The following NETO1 variants were observed in gnomAD, a reference collection of about 807,000 sequenced individuals.
The protein encoded by NETO1 is neuropilin and tolloid like 1, also known as neuropilin and tolloid-like protein 1.
NETO1 carries 26 observed loss-of-function variants against 61.3 expected under a neutral mutation model. The ratio of observed to expected loss-of-function variants is 0.42; its 90% CI spans 0.31 to 0.59. The LOEUF (loss-of-function observed/expected upper bound fraction) is 0.59, where lower values mean the gene tolerates loss of function less well. Among genes scored for constraint, NETO1 ranks in the 20% least tolerant of loss-of-function variants. NETO1 has a pLI of 0.12. For missense variants in NETO1, 531 were observed against 662.8 expected, an observed-to-expected ratio of 0.80 and a Z score of 2.18; for synonymous variants, 225 against 225.8, an observed-to-expected ratio of 1.00 and a Z score of 0.03.
intron 4 of NETO1, among the ~76,000 whole-genome samples, chr18:72,809,263 T>G (rs1268581607): frequency 4.6e-5 from 7 of 152,286 alleles, no homozygotes; most frequent in Admixed American, 3.9e-4. Flanking sequence ...GCTTTTGTAA[T>G]GATATTATGT....
Position 72,756,068 on chromosome 18 carries a change from G to A in NETO1, c.948C>T (p.Asn316=), listed in dbSNP as rs1426537607. 6.2e-7 allele frequency: 1 copy of A among 1,608,202 alleles called. No individual in the cohort carries two copies. The highest frequency in any genetic ancestry group is 8.5e-7 in the Non-Finnish European group (1 of 1,174,970). The change falls in exon 8 of 11, where the codon AAC becomes AAT. Residue 316 remains asparagine, a synonymous_variant. Coordinates refer to ENST00000327305, the MANE Select transcript of NETO1 (RefSeq NM_138966.5). ...NNTLVCNGLQ[N]CVYPWDENHC... ...GATTTTCATCCCAAGGATACACACAGTTCTGGAGTCCATTGCAGACCAAAG... is the reference window on the plus strand; with the variant it reads ...GATTTTCATCCCAAGGATACACACAATTCTGGAGTCCATTGCAGACCAAAG...
chr18:72,834,766 T>C (rs1343391681), intron 4 of NETO1: 1 of 984,974 alleles, frequency 1.0e-6, no homozygotes, highest in Non-Finnish European at 1.2e-6. Flanking sequence ...TACATGTTAA[T>C]TCCCAGTCCA....
At chr18:72,753,357 C>T (rs2070686504) in intron 8 of NETO1, among the ~76,000 whole-genome samples, 1 of 151,986 alleles carries the variant, frequency 6.6e-6, no homozygotes, top group Middle Eastern at 3.4e-3. Flanking sequence ...ATGACACATG[C>T]AGTGCTGCAA....
chr18:72,820,202 G>T (rs1458081756), intron 4 of NETO1, among the ~76,000 whole-genome samples: 1 of 152,160 alleles, frequency 6.6e-6, no homozygotes, highest in African/African-American at 2.4e-5. Context: ...TATAGACAAT[G>T]AGAGGAGGAC....
Position 72,867,599 on chromosome 18 carries a change from G to C in NETO1, c.-308C>G, listed in dbSNP as rs1216787454. 7.9e-6 allele frequency: 2 copies of C among 253,692 alleles called. No individual in the cohort carries two copies. Among genetic ancestry groups the C allele is most frequent in the South Asian group, 1.8e-4 (1 of 5,692 alleles). 15.7% of individuals were successfully genotyped at this position (253,692 alleles called of 1,614,324 possible). A position where few individuals can be genotyped will look rare whatever the true frequency, so the allele number is the denominator to read the frequency against. On this transcript the variant is annotated 5_prime_UTR_variant, in exon 1 of 11. Transcript: ENST00000327305. ...CCGGGCGCCGGCCGCCACCATCCGC[G>C]CCGCCGCCGTCAGGACCCTCCTCCC...
intron 6 of NETO1, among the ~76,000 whole-genome samples, chr18:72,789,947 T>C (rs2072057176): frequency 6.6e-6 from 1 of 152,180 alleles, no homozygotes; most frequent in East Asian, 1.9e-4. Context: ...TCCCAGCAAT[T>C]GGGGCTGGAA....
chr18:72,785,303 A>C (rs1428972311), intron 6 of NETO1, among the ~76,000 whole-genome samples: 1 of 152,142 alleles, frequency 6.6e-6, no homozygotes, highest in African/African-American at 2.4e-5. Flanking sequence ...AAATTAGTGA[A>C]AATGTATCTC....
chr18:72,806,272 A>G (rs2145169352), intron 4 of NETO1, among the ~76,000 whole-genome samples: 1 of 152,284 alleles, frequency 6.6e-6, no homozygotes, highest in East Asian at 1.9e-4. Flanking sequence ...GTGAAGGAGA[A>G]AACAATCAGG....
rs1270325067 is a variant in NETO1 at position 72,747,615 on chromosome 18, T to C, written c.*564A>G. The C allele has an allele frequency of 6.6e-6, 1 of 152,160 alleles. No individual in the cohort carries two copies. Among genetic ancestry groups the C allele is most frequent in the Non-Finnish European group, 1.5e-5 (1 of 67,996 alleles). 9.4% of individuals were successfully genotyped at this position (152,160 alleles called of 1,614,324 possible). A position where few individuals can be genotyped will look rare whatever the true frequency, so the allele number is the denominator to read the frequency against. On this transcript the variant is annotated 3_prime_UTR_variant, in exon 11 of 11. Transcript: ENST00000327305. ...AGTAATTTTACTTGTTACTTTTTCC[T>C]GTATTTAATCAGAATATAATAATAG...
At chr18:72,839,639 G>A (rs555272353) in intron 4 of NETO1, among the ~76,000 whole-genome samples, 34 of 152,000 alleles carry the variant, frequency 2.2e-4, no homozygotes, top group African/African-American at 8.0e-4. Context: ...CCTCTAAAAT[G>A]CCTATTTCTT....
intron 10 of NETO1, 48 bp downstream of exon 10, chr18:72,748,966 A>G: frequency 8.4e-7 from 1 of 1,188,050 alleles, no homozygotes; most frequent in East Asian, 2.3e-5. Flanking sequence ...AGTTGCAACA[A>G]AACAGAATAC....
At chr18:72,827,427 T>C (rs746685748) in intron 4 of NETO1, among the ~76,000 whole-genome samples, 1 of 152,062 alleles carries the variant, frequency 6.6e-6, no homozygotes, top group Non-Finnish European at 1.5e-5. Context: ...GTAGCCTGGG[T>C]TGGAGGGACC....
At chr18:72,814,323 A>G (rs1490796144) in intron 4 of NETO1, among the ~76,000 whole-genome samples, 1 of 152,186 alleles carries the variant, frequency 6.6e-6, no homozygotes, top group African/African-American at 2.4e-5. Flanking sequence ...TAATGACAGC[A>G]GATTTTGAGA....
intron 3 of NETO1, among the ~76,000 whole-genome samples, 168 bp downstream of exon 3, chr18:72,864,640 A>C (rs892122455): frequency 7.9e-5 from 12 of 152,248 alleles, no homozygotes; most frequent in African/African-American, 2.7e-4. Flanking sequence ...AATCTCAATA[A>C]TTAGCCTGAT....
chr18:72,756,294 G>C, intron 7 of NETO1, 147 bp from the exon 8 acceptor site: 1 of 532,096 alleles, frequency 1.9e-6, no homozygotes, highest in South Asian at 2.8e-5. Context: ...TTCAGAAACG[G>C]TGCCGTAGTG....
chr18:72,865,511 C>A (rs2074708031), intron 1 of NETO1: 6 of 1,556,720 alleles, frequency 3.9e-6, no homozygotes, highest in Admixed American at 1.8e-5. Flanking sequence ...GGCAACATGT[C>A]AATTTACTCA....
At position 72,756,157 on chromosome 18, in the gene NETO1, A is replaced by G. The variant is rs1229926768; in HGVS notation, c.869-10T>C. 1.0e-5 allele frequency: 14 copies of G among 1,382,172 alleles called. No individual in the cohort carries two copies. The highest frequency in any genetic ancestry group is 1.4e-5 in the Non-Finnish European group (14 of 970,604). The allele number at this position is 1,382,172 out of a possible 1,614,324, so 85.6% of individuals were successfully genotyped here. ...TTGCCTTCACAAGGAGCTAAAAAGA[A>G]GAAGAACAAGACAAAGGAGGAAAGT... On this transcript the variant is annotated splice_polypyrimidine_tract_variant and intron_variant, in intron 7 of 10. Coordinates refer to ENST00000327305, the MANE Select transcript of NETO1 (RefSeq NM_138966.5).
At position 72,755,459 on chromosome 18, in the gene NETO1, A is replaced by C. The variant is rs576526743; in HGVS notation, c.982+575T>G. On this transcript the variant is annotated intron_variant, in intron 8 of 10. Coordinates refer to ENST00000327305, the MANE Select transcript of NETO1 (RefSeq NM_138966.5). ...TTTCATCTTAACTAAAACATGCAAC[A>C]TCCATAATCCAGCCAACGATCCCTG... Among the ~76,000 whole-genome samples the C allele has an allele frequency of 1.3e-4, 20 of 152,240 alleles. No individual in the cohort carries two copies. The East Asian group carries it at 3.9e-3, about 30-fold the overall frequency.
At chr18:72,831,176 T>C (rs1008085875) in intron 4 of NETO1, among the ~76,000 whole-genome samples, 6 of 152,210 alleles carry the variant, frequency 3.9e-5, no homozygotes, top group Admixed American at 1.3e-4. Context: ...TCGATATTTC[T>C]TAGCTGAGCA....
Sources: allele counts gnomAD v4.1 joint callset (sites outside exome capture counted in the v4.1 genomes callset), GRCh38; gene constraint gnomAD v4.1.1; transcripts MANE v1.5; gene names NCBI Gene and HGNC (gene_info 2026-07-23, HGNC 2026-07-21).